CCSER1: variants seen among roughly 807,000 people sequenced by gnomAD.
CCSER1 encodes serine-rich coiled-coil domain-containing protein 1.
CCSER1 carries 41 observed loss-of-function variants against 82.0 expected under a neutral mutation model. The observed-to-expected ratio is 0.50, with a 90% confidence interval of 0.39 to 0.65. The LOEUF is 0.65. CCSER1 is among the 30% of genes least tolerant of loss of function. The pLI is 0.00. For missense variants in CCSER1, 1,119 were observed against 1,064.2 expected, an observed-to-expected ratio of 1.05 and a Z score of -0.72; for synonymous variants, 414 against 383.9, an observed-to-expected ratio of 1.08 and a Z score of -0.92.
chr4:90,164,192 A>AT (rs1399249793), intron 1 of CCSER1, among the ~76,000 whole-genome samples: 1 of 151,512 alleles, frequency 6.6e-6, no homozygotes, highest in Non-Finnish European at 1.5e-5. Context: ...CATGTCACAC[A>AT]TTTAATAAGG....
At chr4:90,359,708 G>A (rs995810880) in intron 3 of CCSER1, among the ~76,000 whole-genome samples, 2 of 151,680 alleles carry the variant, frequency 1.3e-5, no homozygotes, top group African/African-American at 4.8e-5. Context: ...CTGCACTCCA[G>A]CCTGGGCAAC....
intron 10 of CCSER1, among the ~76,000 whole-genome samples, chr4:91,550,378 C>A (rs149027227): frequency 4.6e-5 from 7 of 152,298 alleles, no homozygotes; most frequent in Non-Finnish European, 7.4e-5. Context: ...GGGTCTCCAG[C>A]AATTCATCAA....
At chr4:90,689,355 T>G (rs1211472434) in intron 6 of CCSER1, among the ~76,000 whole-genome samples, 1 of 152,114 alleles carries the variant, frequency 6.6e-6, no homozygotes, top group Non-Finnish European at 1.5e-5. Flanking sequence ...GTCAAATTGC[T>G]GAGAGCTCCA....
At position 90,896,164 on chromosome 4, in the gene CCSER1, C is replaced by T. The variant is rs11938360; in HGVS notation, c.2095-27206C>T. 9.5e-3 allele frequency among the ~76,000 whole-genome samples: 1,445 copies of T among 151,940 alleles called. 20 individuals carry two copies. Among genetic ancestry groups the T allele is most frequent in the African/African-American group, 0.033 (1,369 of 41,484 alleles). On this transcript the variant is annotated intron_variant, in intron 8 of 10. Transcript: ENST00000509176. Reference sequence around the variant, plus strand: ...CCAGGATGACCCCTAGGGTCTATAACGGGAGATTCTTTGATAGCAGTGCCT... The same window carrying T: ...CCAGGATGACCCCTAGGGTCTATAATGGGAGATTCTTTGATAGCAGTGCCT...
intron 8 of CCSER1, among the ~76,000 whole-genome samples, chr4:90,909,913 G>A (rs1333199167): frequency 2.6e-5 from 4 of 152,112 alleles, no homozygotes; most frequent in Admixed American, 6.6e-5. Flanking sequence ...AACTCACATT[G>A]TATTAGTTCA....
chr4:91,118,132 T>G (rs896740874), intron 10 of CCSER1, among the ~76,000 whole-genome samples: 3 of 152,180 alleles, frequency 2.0e-5, no homozygotes, highest in Admixed American at 6.5e-5. Flanking sequence ...GTTGATACTA[T>G]GTTAAGGAAA....
At chr4:91,339,898 C>T (rs1747594821) in intron 10 of CCSER1, among the ~76,000 whole-genome samples, 1 of 152,008 alleles carries the variant, frequency 6.6e-6, no homozygotes, top group South Asian at 2.1e-4. Flanking sequence ...GCAGGCAGAT[C>T]ACGAGGTCAG....
intron 5 of CCSER1, among the ~76,000 whole-genome samples, chr4:90,560,800 G>GT (rs1778677103): frequency 6.6e-6 from 1 of 152,058 alleles, no homozygotes; most frequent in South Asian, 2.1e-4. Context: ...TCATGGAGTA[G>GT]TTTTTTAAAA....
intron 6 of CCSER1, among the ~76,000 whole-genome samples, chr4:90,721,760 T>G (rs13134142): frequency 0.064 from 9,659 of 151,574 alleles, 432 homozygotes; most frequent in South Asian, 0.13. Context: ...ATACCTAAAT[T>G]ACAGATCACT....
At chr4:91,282,365 T>C (rs987875820) in intron 10 of CCSER1, among the ~76,000 whole-genome samples, 3 of 152,198 alleles carry the variant, frequency 2.0e-5, no homozygotes, top group African/African-American at 7.2e-5. Context: ...GATTCTGTCT[T>C]ATGTCATTCA....
chr4:90,997,302 C>T (rs771599290), intron 9 of CCSER1, among the ~76,000 whole-genome samples: 1 of 152,088 alleles, frequency 6.6e-6, no homozygotes, highest in Non-Finnish European at 1.5e-5. Context: ...ATCCTTCCCT[C>T]TCTTGCTTCT....
chr4:90,823,006 T>A (rs139916322), intron 8 of CCSER1, among the ~76,000 whole-genome samples: 1 of 149,362 alleles, frequency 6.7e-6, no homozygotes, highest in African/African-American at 2.5e-5. Flanking sequence ...CATTACAACA[T>A]CTATACTTTT....
intron 10 of CCSER1, among the ~76,000 whole-genome samples, chr4:91,126,534 A>G (rs1727535304): frequency 6.6e-6 from 1 of 151,986 alleles, no homozygotes; most frequent in East Asian, 1.9e-4. Context: ...TAATCATAGA[A>G]GTCAGAGAAT....
chr4:91,585,752 A>AACTC (rs1763957535), intron 10 of CCSER1, among the ~76,000 whole-genome samples: 1 of 151,504 alleles, frequency 6.6e-6, no homozygotes, highest in Non-Finnish European at 1.5e-5. Context: ...ATGTTTAAGA[A>AACTC]ACTCAAAGAT....
At chr4:90,497,280 A>G (rs1247162120) in intron 5 of CCSER1, among the ~76,000 whole-genome samples, 2 of 152,188 alleles carry the variant, frequency 1.3e-5, no homozygotes, top group Non-Finnish European at 2.9e-5. Flanking sequence ...AAATGAGAAC[A>G]TAGTTCTGAT....
intron 10 of CCSER1, among the ~76,000 whole-genome samples, chr4:91,545,127 C>T (rs1168563370): frequency 6.6e-6 from 1 of 152,114 alleles, no homozygotes; most frequent in Non-Finnish European, 1.5e-5. Context: ...CCCTCCGAGC[C>T]ATGTGTGGGA....
At chr4:90,535,796 AAAAT>A (rs1775244486) in intron 5 of CCSER1, among the ~76,000 whole-genome samples, 1 of 152,214 alleles carries the variant, frequency 6.6e-6, no homozygotes, top group African/African-American at 2.4e-5. Context: ...ACACATTAAA[AAAAT>A]AAATCAATGG....
chr4:90,932,070 G>C (rs1052830112), intron 9 of CCSER1, among the ~76,000 whole-genome samples: 4 of 152,070 alleles, frequency 2.6e-5, no homozygotes, highest in East Asian at 3.8e-4. Context: ...TTTCCTAAAA[G>C]AAAGCCACAT....
intron 3 of CCSER1, among the ~76,000 whole-genome samples, chr4:90,336,397 A>T (rs1166351784): frequency 3.3e-5 from 5 of 152,324 alleles, no homozygotes; most frequent in Admixed American, 3.3e-4. Flanking sequence ...AAAGTGTAAA[A>T]TGAATAAAAA....
Sources: gnomAD v4.1 joint callset for allele counts (sites outside exome capture counted in the v4.1 genomes callset) on GRCh38, gnomAD v4.1.1 for gene constraint, MANE v1.5 for transcripts, NCBI Gene and HGNC (gene_info 2026-07-23, HGNC 2026-07-21) for gene names.